The following RP1 variants were observed in gnomAD, a reference collection of about 807,000 sequenced individuals.
RP1 encodes the protein oxygen-regulated protein 1.
In RP1, 16 loss-of-function variants were observed where a neutral mutation model predicts 14.8. The observed-to-expected ratio is 1.08, with a 90% CI of 0.73 to 1.65. RP1 has a LOEUF of 1.65. Ranked by LOEUF, RP1 falls within the 40% of genes most tolerant of loss-of-function variation. RP1 has a pLI of 0.00. For synonymous variants in RP1, 876 were observed against 883.6 expected, an observed-to-expected ratio of 0.99 and a Z score of 0.15; for missense variants, 2,631 against 2,535.0, an observed-to-expected ratio of 1.04 and a Z score of -0.81.
At chr8:54,660,884 A>C (rs553197586) in intron 6 of RP1, among the ~76,000 whole-genome samples, 18 of 152,282 alleles carry the variant, frequency 1.2e-4, no homozygotes, top group Non-Finnish European at 1.0e-4. Context: ...AAAATAAAAG[A>C]AGAATACCTC....
At chr8:54,776,360 C>T (rs1362578418) in intron 23 of RP1, among the ~76,000 whole-genome samples, 1 of 152,150 alleles carries the variant, frequency 6.6e-6, no homozygotes, top group Non-Finnish European at 1.5e-5. Context: ...TGCCACCACG[C>T]CCAGCTAATT....
intron 1 of RP1, among the ~76,000 whole-genome samples, chr8:54,579,994 C>T (rs1041457903): frequency 1.3e-5 from 2 of 152,136 alleles, no homozygotes; most frequent in African/African-American, 4.8e-5. Flanking sequence ...GAGCCCTGGA[C>T]CAGGTACCAA....
At chr8:54,785,723 T>A (rs1810301922) in intron 24 of RP1, among the ~76,000 whole-genome samples, 1 of 152,108 alleles carries the variant, frequency 6.6e-6, no homozygotes, top group Admixed American at 6.6e-5. Context: ...ATTCTAACCA[T>A]CCTAGTGGAT....
At chr8:54,787,804 A>G (rs1391825944) in intron 24 of RP1, among the ~76,000 whole-genome samples, 1 of 152,190 alleles carries the variant, frequency 6.6e-6, no homozygotes, top group African/African-American at 2.4e-5. Flanking sequence ...GAAATGGTTA[A>G]TACAGTTTTG....
downstream of RP1, among the ~76,000 whole-genome samples, chr8:54,774,626 C>T (rs533858713): frequency 6.6e-6 from 1 of 152,114 alleles, no homozygotes; most frequent in Non-Finnish European, 1.5e-5. Flanking sequence ...TTCATTTGCT[C>T]CCAAATTAAA....
chr8:54,655,527 T>C (rs1585583727), intron 5 of RP1, among the ~76,000 whole-genome samples: 1 of 152,168 alleles, frequency 6.6e-6, no homozygotes, highest in East Asian at 1.9e-4. Flanking sequence ...GAATCTGTAG[T>C]GTATGAAATC....
chr8:54,601,598 G>C (rs1010723191), intron 1 of RP1, among the ~76,000 whole-genome samples: 1 of 93,682 alleles, frequency 1.1e-5, no homozygotes, highest in Non-Finnish European at 2.4e-5. Flanking sequence ...AAAAAACTTA[G>C]AAAAAAAAAA....
At chr8:54,858,561 G>A (rs1352164152) in intron 27 of RP1, among the ~76,000 whole-genome samples, 1 of 152,128 alleles carries the variant, frequency 6.6e-6, no homozygotes, top group Non-Finnish European at 1.5e-5. Flanking sequence ...TTGCTGTAGA[G>A]CTGTGTCACT....
At chr8:54,696,791 C>T (rs111820667) in intron 12 of RP1, 16 of 725,708 alleles carry the variant, frequency 2.2e-5, no homozygotes, top group African/African-American at 1.2e-4. Context: ...AAAAATGCCA[C>T]GTATAGTGGA....
At chr8:54,812,838 A>G (rs1301351687) in intron 24 of RP1, among the ~76,000 whole-genome samples, 1 of 151,738 alleles carries the variant, frequency 6.6e-6, no homozygotes, top group East Asian at 1.9e-4. Context: ...TATCTATTGA[A>G]TTAAAAAGTA....
At chr8:54,566,349 G>GCT (rs35262860) in intron 1 of RP1, among the ~76,000 whole-genome samples, 46,469 of 151,992 alleles carry the variant, frequency 0.31, 7,922 homozygotes, top group Non-Finnish European at 0.39. Context: ...AAGGCAGTGA[G>GCT]CTGACCCCAA....
chr8:54,563,741 A>C (rs542163415), intron 1 of RP1, among the ~76,000 whole-genome samples: 1 of 151,634 alleles, frequency 6.6e-6, no homozygotes, highest in Non-Finnish European at 1.5e-5. Context: ...TAGAGATGAG[A>C]TCTTACTATG....
intron 1 of RP1, among the ~76,000 whole-genome samples, chr8:54,573,038 T>C (rs1049161156): frequency 6.6e-6 from 1 of 152,188 alleles, no homozygotes; most frequent in African/African-American, 2.4e-5. Flanking sequence ...TGACTATAAA[T>C]AGAGATTTTC....
rs200860068 is a variant in RP1 at position 54,628,617 on chromosome 8, T to G, written c.4735T>G (p.Leu1579Val). ...AAGTTATTCAGAGTCCTCTCCTGAT[T>G]TAAAAAAATGCATCAAAAGTCCAGT... is the stretch of plus-strand genomic sequence containing the variant. ...TGSYSESSPD[L>V]KKCIKSPVTS... is the part of the protein sequence containing the mutation. The change falls in exon 4 of 4, where the codon TTA (leucine) becomes GTA (valine). Residue 1579 changes from leucine (L) to valine (V), a missense_variant. Leu to Val is a conservative substitution (Grantham distance 32). Transcript: ENST00000220676. 93 of 1,613,890 alleles carry G rather than the reference T, an allele frequency of 5.8e-5. 2 individuals are homozygous for G. Among genetic ancestry groups the G allele is most frequent in the South Asian group, 2.7e-4 (25 of 91,078 alleles).
intron 23 of RP1, among the ~76,000 whole-genome samples, chr8:54,776,074 T>G (rs1196467855): frequency 6.6e-6 from 1 of 152,218 alleles, no homozygotes; most frequent in Non-Finnish European, 1.5e-5. Context: ...AATACACATT[T>G]AAAAAATACT....
At chr8:54,818,406 T>C (rs919020241) in intron 24 of RP1, among the ~76,000 whole-genome samples, 4 of 152,266 alleles carry the variant, frequency 2.6e-5, no homozygotes, top group Non-Finnish European at 5.9e-5. Context: ...CCCTAAGAGA[T>C]GCTATTTCAT....
In RP1 at chr8:54,656,198, G is replaced by A. The variant is rs753821172; in HGVS notation, c.1154G>A (p.Gly385Glu). 145 of 1,535,318 alleles carry A rather than the reference G, an allele frequency of 9.4e-5. 1 individual carries two copies. The highest frequency in any genetic ancestry group is 1.2e-4 in the Non-Finnish European group (137 of 1,146,702). ...CGAGAATTTCCTCTTTTAAGTAAAG[G>A]ACAACCTGTCCTTCCAGGTAGGAAA... The change falls in exon 6 of 23, where the codon GGA becomes GAA. Residue 385 changes from glycine to glutamate, a missense_variant. Gly to Glu is a moderately conservative substitution (Grantham distance 98). Coordinates refer to the RP1 transcript ENST00000636932.
At chr8:54,622,058 A>G in intron 2 of RP1, 59 bp from the exon 3 acceptor site, 1 of 1,565,624 alleles carries the variant, frequency 6.4e-7, no homozygotes, top group South Asian at 1.1e-5. Context: ...CAAAGTTATA[A>G]AATTACCACT....
intron 5 of RP1, chr8:54,652,967 A>T: frequency 1.3e-6 from 1 of 747,610 alleles, no homozygotes. Flanking sequence ...AGAGTCCTGT[A>T]CCTTTTTAGC....
Sources: gnomAD v4.1 joint callset for allele counts (sites outside exome capture counted in the v4.1 genomes callset) on GRCh38, gnomAD v4.1.1 for gene constraint, MANE v1.5 for transcripts, NCBI Gene and HGNC (gene_info 2026-07-23, HGNC 2026-07-21) for gene names.